SLC1A3: variants seen among roughly 807,000 people sequenced by gnomAD.
The protein encoded by SLC1A3 is excitatory amino acid transporter 1.
In SLC1A3, 21 loss-of-function variants were observed where a neutral mutation model predicts 48.1. The observed-to-expected ratio is 0.44, with a 90% CI of 0.31 to 0.63. The LOEUF (loss-of-function observed/expected upper bound fraction) is 0.63, where lower values mean the gene tolerates loss of function less well. Among genes scored for constraint, SLC1A3 ranks in the 20% least tolerant of loss-of-function variants. The probability of loss-of-function intolerance (pLI) is 0.08; values close to 1 mark genes in which losing one functional copy is unlikely to be tolerated. For missense variants in SLC1A3, 546 were observed against 689.0 expected (o/e 0.79, Z 2.32); for synonymous variants, 239 against 251.4 (o/e 0.95, Z 0.47).
rs746925026 is a variant in SLC1A3, at chr5:36,629,607, G to A, written c.319+20G>A. Reference sequence around the variant, plus strand: ...TCACAGGTACCATAAGCAGTTGTTGGTTTGTTTGGTTTTTTTTAAGTGTGT... The same window carrying A: ...TCACAGGTACCATAAGCAGTTGTTGATTTGTTTGGTTTTTTTTAAGTGTGT... On this transcript the variant is annotated intron_variant, in intron 3 of 9. Transcript: ENST00000265113. The A allele has an allele frequency of 2.5e-6, 4 of 1,608,054 alleles. No homozygotes were observed. Among genetic ancestry groups the A allele is most frequent in the Non-Finnish European group, 2.6e-6 (3 of 1,175,934 alleles).
At chr5:36,644,902 A>G (rs1204645515) in intron 3 of SLC1A3, among the ~76,000 whole-genome samples, 1 of 152,056 alleles carries the variant, frequency 6.6e-6, no homozygotes, top group Non-Finnish European at 1.5e-5. Context: ...CTGGGGGGAG[A>G]CAACTGCAAC....
In SLC1A3 at chr5:36,683,870, A is replaced by G; in HGVS notation, c.1296A>G (p.Thr432=). ...CTGGTACTTCTGTTAACAGCATCAC[A>G]GCCACAGCTGCCAGTATTGGGGCAG... is the stretch of plus-strand genomic sequence containing the variant. ...NFGQIITISI[T]ATAASIGAAG... Residue 432 remains threonine, a synonymous_variant, in exon 9 of 10, where the codon ACA becomes ACG. Coordinates refer to ENST00000265113, the MANE Select transcript of SLC1A3 (RefSeq NM_004172.5). The G allele has an allele frequency of 6.2e-7, 1 of 1,614,236 alleles. No homozygotes were observed.
rs1250931676 is a variant in SLC1A3 at position 36,609,037 on chromosome 5, T to C, written c.181+433T>C. ...TTCCAAATAGTAATTATATTCTAAC[T>C]GGTGCTGACTTGAAGCTGAGTATCA... On this transcript the variant is annotated intron_variant, in intron 2 of 9. Transcript: ENST00000265113. The C allele has an allele frequency of 1.5e-5, 15 of 994,830 alleles. No individual in the cohort carries two copies. The South Asian group carries it at 5.4e-4, about 36-fold the overall frequency. 61.6% of individuals were successfully genotyped at this position (994,830 alleles called of 1,614,324 possible). A position where few individuals can be genotyped will look rare whatever the true frequency, so the allele number is the denominator to read the frequency against.
intron 2 of SLC1A3, among the ~76,000 whole-genome samples, chr5:36,610,970 C>G (rs920071834): frequency 2.6e-5 from 4 of 152,186 alleles, no homozygotes; most frequent in African/African-American, 4.8e-5. Flanking sequence ...AAATAGACAA[C>G]TTAGGAGCAA....
intron 3 of SLC1A3, chr5:36,636,499 CTTTCTT>C (rs769188333): frequency 0.15 from 19,142 of 127,428 alleles, 1,557 homozygotes; most frequent in South Asian, 0.2. Flanking sequence ...TTCTTTCTTT[CTTTCTT>C]TTTCTTTCTT....
At chr5:36,673,840 G>A (rs1053590312) in intron 4 of SLC1A3, among the ~76,000 whole-genome samples, 6 of 152,186 alleles carry the variant, frequency 3.9e-5, no homozygotes, top group Admixed American at 3.3e-4. Context: ...AATGAGTCAA[G>A]TTTGGACTCC....
chr5:36,648,329 G>T (rs774886728), intron 3 of SLC1A3, among the ~76,000 whole-genome samples: 3 of 152,152 alleles, frequency 2.0e-5, no homozygotes, highest in Non-Finnish European at 2.9e-5. Context: ...TGAGATTTGT[G>T]TCAAGAAACC....
At chr5:36,679,908 A>C in intron 7 of SLC1A3, 48 bp downstream of exon 7, 1 of 1,367,084 alleles carries the variant, frequency 7.3e-7, no homozygotes, top group Admixed American at 1.7e-5. Context: ...ACCTTGAACC[A>C]GGGCCCCTCA....
upstream of SLC1A3, among the ~76,000 whole-genome samples, chr5:36,602,807 A>T (rs1233464630): frequency 6.6e-6 from 1 of 152,156 alleles, no homozygotes; most frequent in Non-Finnish European, 1.5e-5. Context: ...CTGAAACCCC[A>T]TCAGAGGTCA....
At chr5:36,644,014 AAAATAAAT>A (rs57649957) in intron 3 of SLC1A3, among the ~76,000 whole-genome samples, 7,966 of 101,666 alleles carry the variant, frequency 0.078, 386 homozygotes, top group East Asian at 0.32. Context: ...TCCGTCTCAA[AAAATAAAT>A]AAATAAATAA....
At chr5:36,645,952 G>A (rs914961881) in intron 3 of SLC1A3, among the ~76,000 whole-genome samples, 26 of 152,144 alleles carry the variant, frequency 1.7e-4, no homozygotes, top group Non-Finnish European at 2.8e-4. Context: ...CTTGAATAGA[G>A]CTACAGGCCA....
At chr5:36,610,739 T>C (rs978015961) in intron 2 of SLC1A3, among the ~76,000 whole-genome samples, 2 of 152,192 alleles carry the variant, frequency 1.3e-5, no homozygotes, top group Non-Finnish European at 2.9e-5. Flanking sequence ...TCTGGGATCA[T>C]TCCTCACCCA....
Position 36,673,899 on chromosome 5 carries a change from C to A in SLC1A3, c.525-150C>A, listed in dbSNP as rs146581375. On this transcript the variant is annotated intron_variant, in intron 4 of 9. Transcript: ENST00000265113. ...CCACACTTAGGGAGGACCATATATT[C>A]TTTTCAAGCTGTAAAATCCACTAAC... 358 of 700,314 alleles carry A rather than the reference C, an allele frequency of 5.1e-4. 2 individuals carry two copies. In the East Asian group the frequency reaches 8.5e-3, roughly 17 times the overall value. 43.4% of individuals were successfully genotyped at this position (700,314 alleles called of 1,614,324 possible).
intron 2 of SLC1A3, among the ~76,000 whole-genome samples, chr5:36,627,317 G>T (rs1274928851): frequency 1.3e-5 from 2 of 151,960 alleles, no homozygotes; most frequent in Non-Finnish European, 2.9e-5. Flanking sequence ...ATCAAATTTT[G>T]CTTGTTTTAA....
At chr5:36,673,868 C>T (rs1742095687) in intron 4 of SLC1A3, among the ~76,000 whole-genome samples, 181 bp from the exon 5 acceptor site, 1 of 152,164 alleles carries the variant, frequency 6.6e-6, no homozygotes, top group Non-Finnish European at 1.5e-5. Context: ...ATATGAACTA[C>T]ATGGGCCACA....
chr5:36,615,881 G>A (rs144681957), intron 2 of SLC1A3, among the ~76,000 whole-genome samples: 2,585 of 152,320 alleles, frequency 0.017, 35 homozygotes, highest in Non-Finnish European at 0.027. Context: ...AGAGTTTAGC[G>A]ACTATACTCA....
rs772029954 is a variant in SLC1A3 at position 36,608,381 on chromosome 5, G to A, written c.-43G>A. The A allele has an allele frequency of 1.3e-6, 2 of 1,599,246 alleles. No individual in the cohort carries two copies. The highest frequency in any genetic ancestry group is 1.1e-5 in the South Asian group (1 of 90,700). ...TTTGGCTTTCTGTGGGTGATTCCCAGACACTGAAGTGCAAAGAAGAGACCC... is the reference window on the plus strand; with the variant it reads ...TTTGGCTTTCTGTGGGTGATTCCCAAACACTGAAGTGCAAAGAAGAGACCC... On this transcript the variant is annotated 5_prime_UTR_variant, in exon 2 of 10. Transcript: ENST00000265113.
rs759754607 is a variant in SLC1A3, at chr5:36,629,504, A to G, written c.236A>G (p.Lys79Arg). 1.4e-5 allele frequency: 22 copies of G among 1,612,666 alleles called. No homozygotes were observed. In the South Asian group the frequency reaches 2.4e-4, roughly 18 times the overall value. ...TACAGAATGAGCTACCGGGAAGTCA[A>G]GTACTTCTCCTTTCCTGGGGAACTT... Reference protein sequence around the residue: ...RPYRMSYREVKYFSFPGELLM... With the variant: ...RPYRMSYREVRYFSFPGELLM... The change falls in exon 3 of 10, where the codon AAG becomes AGG. Residue 79 changes from lysine to arginine, a missense_variant. Lys to Arg is a conservative substitution (Grantham distance 26, BLOSUM62 2). Transcript: ENST00000265113.
intron 3 of SLC1A3, among the ~76,000 whole-genome samples, chr5:36,649,069 C>G (rs537607368): frequency 5.3e-5 from 8 of 152,158 alleles, no homozygotes; most frequent in African/African-American, 1.4e-4. Context: ...CTTGACGAGG[C>G]CTGGTGGCTC....
Sources: gnomAD v4.1 joint callset for allele counts (sites outside exome capture counted in the v4.1 genomes callset) on GRCh38, gnomAD v4.1.1 for gene constraint, MANE v1.5 for transcripts, NCBI Gene and HGNC (gene_info 2026-07-23, HGNC 2026-07-21) for gene names.